NRXN3: variants seen among roughly 807,000 people sequenced by gnomAD.
NRXN3 encodes neurexin III.
A neutral mutation model predicts 137.6 loss-of-function variants in NRXN3; 32 were observed. The ratio of observed to expected loss-of-function variants is 0.23; its 90% CI spans 0.18 to 0.31. The LOEUF (loss-of-function observed/expected upper bound fraction) is 0.31, where lower values mean the gene tolerates loss of function less well. Among genes scored for constraint, NRXN3 ranks in the 10% least tolerant of loss-of-function variants. NRXN3 has a pLI of 1.00. For synonymous variants in NRXN3, 798 were observed against 784.5 expected, an observed-to-expected ratio of 1.02 and a Z score of -0.29; for missense variants, 1,574 against 2,062.5, an observed-to-expected ratio of 0.76 and a Z score of 4.59.
At chr14:78,407,542 T>C (rs553261681) in intron 4 of NRXN3, among the ~76,000 whole-genome samples, 7 of 152,258 alleles carry the variant, frequency 4.6e-5, no homozygotes, top group Admixed American at 4.6e-4. Flanking sequence ...GACTTGGCAA[T>C]TGATAGAATT....
intron 19 of NRXN3, among the ~76,000 whole-genome samples, chr14:79,721,404 CA>C: frequency 6.6e-6 from 1 of 151,924 alleles, no homozygotes; most frequent in East Asian, 1.9e-4. Flanking sequence ...TATTTTCATG[CA>C]AAAAAATCCC....
chr14:79,709,122 C>T (rs532385566), intron 19 of NRXN3, among the ~76,000 whole-genome samples: 288 of 152,164 alleles, frequency 1.9e-3, no homozygotes, highest in East Asian at 6.2e-3. Flanking sequence ...AATGCACGTC[C>T]GGGGTGGTAT....
chr14:78,941,523 T>C (rs1228979863), intron 10 of NRXN3, among the ~76,000 whole-genome samples: 1 of 152,144 alleles, frequency 6.6e-6, no homozygotes, highest in African/African-American at 2.4e-5. Flanking sequence ...TCACATCTGC[T>C]CCCTCAGAAG....
chr14:79,355,625 C>G (rs183062265), intron 15 of NRXN3, among the ~76,000 whole-genome samples: 1 of 152,144 alleles, frequency 6.6e-6, no homozygotes, highest in Non-Finnish European at 1.5e-5. Flanking sequence ...ATTCTTACAG[C>G]TTTTATTGAA....
At chr14:78,775,141 C>T (rs1036508300) in intron 8 of NRXN3, among the ~76,000 whole-genome samples, 1 of 152,154 alleles carries the variant, frequency 6.6e-6, no homozygotes, top group South Asian at 2.1e-4. Context: ...TTTTATTCCA[C>T]CCCTAATGGG....
At chr14:78,473,509 T>A (rs1251632655) in intron 4 of NRXN3, among the ~76,000 whole-genome samples, 2 of 152,176 alleles carry the variant, frequency 1.3e-5, no homozygotes, top group African/African-American at 4.8e-5. Flanking sequence ...ACCTGCTGAG[T>A]TATGGCCACA....
intron 1 of NRXN3, among the ~76,000 whole-genome samples, chr14:78,194,951 C>T (rs965083109): frequency 3.3e-5 from 5 of 152,170 alleles, no homozygotes; most frequent in African/African-American, 1.2e-4. Flanking sequence ...GATGACCTGT[C>T]TTCTGGAGCA....
chr14:79,758,268 G>T (rs2099026603), intron 19 of NRXN3, among the ~76,000 whole-genome samples: 1 of 152,118 alleles, frequency 6.6e-6, no homozygotes, highest in African/African-American at 2.4e-5. Context: ...AAGAAAAGAG[G>T]TTTATTAGGG....
At chr14:78,579,916 CT>C (rs1239757779) in intron 4 of NRXN3, among the ~76,000 whole-genome samples, 1 of 152,258 alleles carries the variant, frequency 6.6e-6, no homozygotes. Flanking sequence ...CTCTCTATGC[CT>C]GTTTCCTCTT....
chr14:78,427,440 G>A (rs963849426), intron 4 of NRXN3, among the ~76,000 whole-genome samples: 2 of 152,198 alleles, frequency 1.3e-5, no homozygotes, highest in Non-Finnish European at 2.9e-5. Context: ...AAAGCACAGA[G>A]TAAGTGAAAT....
chr14:79,224,478 C>T (rs532188636), intron 15 of NRXN3, among the ~76,000 whole-genome samples: 14 of 152,122 alleles, frequency 9.2e-5, no homozygotes, highest in Non-Finnish European at 2.1e-4. Flanking sequence ...ATTCTTATCA[C>T]TTCACAGGGA....
At chr14:78,270,566 G>T (rs1276120854) in intron 2 of NRXN3, among the ~76,000 whole-genome samples, 1 of 152,192 alleles carries the variant, frequency 6.6e-6, no homozygotes, top group African/African-American at 2.4e-5. Context: ...TATTTGGCTG[G>T]AAATGCCTTT....
At chr14:78,395,045 T>A (rs1246715632) in intron 4 of NRXN3, among the ~76,000 whole-genome samples, 1 of 151,872 alleles carries the variant, frequency 6.6e-6, no homozygotes, top group Non-Finnish European at 1.5e-5. Context: ...TATACTTATT[T>A]CATTTTTACT....
At chr14:78,275,342 T>C (rs1222900323) in intron 2 of NRXN3, among the ~76,000 whole-genome samples, 1 of 152,326 alleles carries the variant, frequency 6.6e-6, no homozygotes, top group Admixed American at 6.5e-5. Flanking sequence ...TATTGAATGG[T>C]GAATAGATGA....
At chr14:79,346,189 G>A (rs1389450310) in intron 15 of NRXN3, among the ~76,000 whole-genome samples, 1 of 152,198 alleles carries the variant, frequency 6.6e-6, no homozygotes, top group Non-Finnish European at 1.5e-5. Flanking sequence ...AGAGGCAGAG[G>A]AGGGTGGATT....
chr14:78,756,418 G>A (rs2098668523), intron 8 of NRXN3, among the ~76,000 whole-genome samples: 1 of 151,936 alleles, frequency 6.6e-6, no homozygotes, highest in Non-Finnish European at 1.5e-5. Context: ...AACCAGGGAG[G>A]TGGAGGCTGC....
intron 15 of NRXN3, among the ~76,000 whole-genome samples, chr14:79,296,905 G>A (rs773107853): frequency 1.3e-5 from 2 of 152,296 alleles, no homozygotes; most frequent in South Asian, 2.1e-4. Flanking sequence ...CAGTTCCTGC[G>A]TGATCTGGCA....
intron 15 of NRXN3, among the ~76,000 whole-genome samples, chr14:79,077,918 AG>A (rs767247187): frequency 6.6e-6 from 1 of 152,132 alleles, no homozygotes; most frequent in Non-Finnish European, 1.5e-5. Flanking sequence ...GGCTGAGAAA[AG>A]GGGCTTTCCA....
rs201746073 is a variant in NRXN3, at chr14:79,768,407, A to G, written c.4015-36705A>G. 2.3e-3 allele frequency among the ~76,000 whole-genome samples: 349 copies of G among 152,328 alleles called. 11 individuals carry two copies. In the East Asian group the frequency reaches 0.044, roughly 19 times the overall value. ...CTTTGAAGAGAGCAGTGGTTCTCCC[A>G]GCACGCAGCTGGAGATCTGAGAACG... On this transcript the variant is annotated intron_variant, in intron 19 of 20. Coordinates refer to ENST00000335750, the MANE Select transcript of NRXN3 (RefSeq NM_001330195.2).
Sources: gnomAD v4.1 joint callset for allele counts (sites outside exome capture counted in the v4.1 genomes callset) on GRCh38, gnomAD v4.1.1 for gene constraint, MANE v1.5 for transcripts, NCBI Gene and HGNC (gene_info 2026-07-23, HGNC 2026-07-21) for gene names.